The following MMP15 variants were observed in gnomAD, a reference collection of about 807,000 sequenced individuals.
The protein encoded by MMP15 is matrix metalloproteinase-15.
Under a neutral mutation model 65.0 loss-of-function variants are expected in MMP15, and 36 were observed. That is an observed-to-expected ratio of 0.55 (90% CI 0.42 to 0.73). MMP15 has a LOEUF of 0.73. Ranked by LOEUF, MMP15 falls within the 30% of genes least tolerant of loss-of-function variation. The pLI, the probability that MMP15 is intolerant of heterozygous loss-of-function variation, is 0.00. For missense variants in MMP15, 870 were observed against 987.8 expected, an observed-to-expected ratio of 0.88 and a Z score of 1.60; for synonymous variants, 428 against 410.2, an observed-to-expected ratio of 1.04 and a Z score of -0.52.
chr16:58,026,381 C>CCGGGCTGGA lies in MMP15; in HGVS notation c.37_45dup (p.Trp13_Gly15dup). The CCGGGCTGGA allele has an allele frequency of 7.2e-7, 1 of 1,382,246 alleles. No individual in the cohort carries two copies. Among genetic ancestry groups the CCGGGCTGGA allele is most frequent in the Non-Finnish European group, 9.3e-7 (1 of 1,076,798 alleles). The allele number at this position is 1,382,246 out of a possible 1,614,324, so 85.6% of individuals were successfully genotyped here. On this transcript the variant is annotated inframe_insertion, in exon 1 of 10. Coordinates refer to ENST00000219271, the MANE Select transcript of MMP15 (RefSeq NM_002428.4). ...CAGCGACCCGAGCGCGCCCGGACGG[C>CCGGGCTGGA]CGGGCTGGACGGGCAGCCTCCTCGG...
In MMP15 at chr16:58,045,396, G is replaced by A. The variant is rs947129874; in HGVS notation, c.1960G>A (p.Ala654Thr). Residue 654 changes from alanine (A) to threonine (T), a missense_variant, in exon 10 of 10, where the codon GCG (alanine) becomes ACG (threonine). Transcript: ENST00000219271. ...GCTGGTGCAGATGCAGCGCAAGGGT[G>A]CGCCACGTGTCCTGCTTTACTGCAA... ...YALVQMQRKG[A>T]PRVLLYCKRS... is the part of the protein sequence containing the mutation. 1 of 1,578,106 alleles carries A rather than the reference G, an allele frequency of 6.3e-7. No homozygotes were observed. Among genetic ancestry groups the A allele is most frequent in the South Asian group, 1.2e-5 (1 of 86,272 alleles).
chr16:58,040,475 G>T, intron 4 of MMP15, 62 bp from the exon 5 acceptor site: 1 of 1,577,504 alleles, frequency 6.3e-7, no homozygotes. Flanking sequence ...GGAGGGTCCA[G>T]GGTGATTGGG....
chr16:58,028,474 A>G (rs1019810228), intron 1 of MMP15, among the ~76,000 whole-genome samples: 1 of 152,172 alleles, frequency 6.6e-6, no homozygotes. Flanking sequence ...GGCTGCTTCT[A>G]GGGTCCCATC....
intron 5 of MMP15, among the ~76,000 whole-genome samples, chr16:58,041,262 C>T (rs1275842516): frequency 6.6e-6 from 1 of 152,216 alleles, no homozygotes; most frequent in African/African-American, 2.4e-5. Context: ...ACTTGACGGG[C>T]ACCCCTTGCT....
At chr16:58,033,711 T>C (rs1265267174) in intron 1 of MMP15, among the ~76,000 whole-genome samples, 1 of 152,228 alleles carries the variant, frequency 6.6e-6, no homozygotes, top group Non-Finnish European at 1.5e-5. Context: ...GAGACCAGCC[T>C]GGCCACCATA....
chr16:58,034,334 G>A (rs1312376102), intron 1 of MMP15, among the ~76,000 whole-genome samples: 1 of 152,202 alleles, frequency 6.6e-6, no homozygotes, highest in Non-Finnish European at 1.5e-5. Context: ...CCACCTGCAG[G>A]CAGCAGCACC....
chr16:58,028,317 A>C (rs41330245), intron 1 of MMP15, among the ~76,000 whole-genome samples: 2,741 of 152,114 alleles, frequency 0.018, 39 homozygotes, highest in South Asian at 0.032. Context: ...CTGGAGCCCT[A>C]CTCCTGGGGA....
Position 58,026,488 on chromosome 16 carries a change from C to G in MMP15, c.138C>G (p.Ala46=). Residue 46 remains alanine (A), a synonymous_variant, in exon 1 of 10, where the codon GCC becomes GCG. Transcript: ENST00000219271. The part of the protein sequence containing the change: ...LLGCLGLGVA[A]EDAEVHAENW... ...GCTGCCTGGGCCTTGGCGTAGCGGC[C>G]GAAGACGCGGAGGTCCATGCCGAGG... 7.2e-7 allele frequency: 1 copy of G among 1,385,002 alleles called. No individual in the cohort carries two copies. The highest frequency in any genetic ancestry group is 9.4e-7 in the Non-Finnish European group (1 of 1,067,542). 85.8% of individuals were successfully genotyped at this position (1,385,002 alleles called of 1,614,324 possible).
At chr16:58,042,169 T>C in intron 6 of MMP15, 62 bp from the exon 7 acceptor site, 4 of 1,562,944 alleles carry the variant, frequency 2.6e-6, no homozygotes, top group South Asian at 2.4e-5. Context: ...GGTTTGAGGA[T>C]GGCACCTCTC....
At position 58,042,087 on chromosome 16, in the gene MMP15, G is replaced by A. The variant is rs149321997; in HGVS notation, c.1165-144G>A. ...AGGGCTCTGTTTCTGTGCAGCCCTG[G>A]CTTTCCAAGCCACTGCCTGCCTCAG... On this transcript the variant is annotated intron_variant, in intron 6 of 9. Transcript: ENST00000219271. 11 of 1,183,466 alleles carry A rather than the reference G, an allele frequency of 9.3e-6. No homozygotes were observed. The East Asian group carries it at 2.8e-4, about 30-fold the overall frequency. 73.3% of individuals were successfully genotyped at this position (1,183,466 alleles called of 1,614,324 possible).
At chr16:58,026,727 C>T (rs1430448635) in intron 1 of MMP15, among the ~76,000 whole-genome samples, 1 of 152,334 alleles carries the variant, frequency 6.6e-6, no homozygotes, top group Middle Eastern at 3.4e-3. Flanking sequence ...GGGCCTCGCT[C>T]TCCTCCCCGC....
At chr16:58,040,405 G>T in intron 4 of MMP15, 132 bp from the exon 5 acceptor site, 1 of 1,227,486 alleles carries the variant, frequency 8.1e-7, no homozygotes, top group Non-Finnish European at 1.1e-6. Context: ...GTTGTAGGCC[G>T]AAAGAGCTCA....
At chr16:58,026,587 C>G in intron 1 of MMP15, 75 bp downstream of exon 1, 9 of 1,270,704 alleles carry the variant, frequency 7.1e-6, no homozygotes, top group Non-Finnish European at 8.0e-6. Context: ...CAGGCTGGGA[C>G]TTGGAGGTGG....
intron 1 of MMP15, among the ~76,000 whole-genome samples, chr16:58,035,709 C>A (rs1392791437): frequency 6.6e-6 from 1 of 152,218 alleles, no homozygotes; most frequent in Non-Finnish European, 1.5e-5. Context: ...GTCCCCAGAG[C>A]TGGTGGTGGT....
In MMP15 at chr16:58,039,984, T is replaced by C; in HGVS notation, c.550T>C (p.Tyr184His). Residue 184 changes from tyrosine to histidine, a missense_variant, in exon 4 of 10, where the codon TAT becomes CAT. By Grantham distance (83) the Tyr-to-His change is moderately conservative (BLOSUM62 2). Transcript: ENST00000219271. The stretch of plus-strand genomic sequence containing the variant: ...GCCCCTGGTCTTCCAGGAGGTGCCC[T>C]ATGAGGACATCCGGCTGCGGCGACA... Reference protein sequence around the residue: ...ATPLVFQEVPYEDIRLRRQKE... With the variant: ...ATPLVFQEVPHEDIRLRRQKE... The C allele has an allele frequency of 6.2e-7, 1 of 1,614,048 alleles. No homozygotes were observed. Among genetic ancestry groups the C allele is most frequent in the Non-Finnish European group, 8.5e-7 (1 of 1,180,052 alleles).
At position 58,026,217 on chromosome 16, in the gene MMP15, G is replaced by C; in HGVS notation, c.-134G>C. On this transcript the variant is annotated 5_prime_UTR_variant, in exon 1 of 10. Coordinates refer to ENST00000219271, the MANE Select transcript of MMP15 (RefSeq NM_002428.4). Reference sequence around the variant, plus strand: ...GGGAATTTGCCGAGGCGACCTAGGCGGCTCCGGCGGGGACCGGGAGCCCGA... The same window carrying C: ...GGGAATTTGCCGAGGCGACCTAGGCCGCTCCGGCGGGGACCGGGAGCCCGA... 2.0e-6 allele frequency: 2 copies of C among 1,011,658 alleles called. No homozygotes were observed. The highest frequency in any genetic ancestry group is 2.5e-6 in the Non-Finnish European group (2 of 787,272). 62.7% of individuals were successfully genotyped at this position (1,011,658 alleles called of 1,614,324 possible). A position where few individuals can be genotyped will look rare whatever the true frequency, so the allele number is the denominator to read the frequency against.
intron 1 of MMP15, among the ~76,000 whole-genome samples, chr16:58,034,733 C>T (rs111361894): frequency 0.014 from 2,075 of 152,248 alleles, 23 homozygotes; most frequent in Non-Finnish European, 0.021. Flanking sequence ...TGGCTGATAG[C>T]GAGATGGAAG....
intron 1 of MMP15, among the ~76,000 whole-genome samples, chr16:58,030,825 G>A (rs1963882158): frequency 6.6e-6 from 1 of 152,096 alleles, no homozygotes; most frequent in Non-Finnish European, 1.5e-5. Flanking sequence ...ATTTACTGTT[G>A]GGCAAGTCAC....
chr16:58,041,725 C>G lies in MMP15; in HGVS notation c.1019C>G (p.Pro340Arg), dbSNP rs754543993. ...RPPRPPQPPP[P>R]GGKPERPPKP... ...CCCCGGCCTCCCCAGCCACCACCCC[C>G]AGGTGGGAAGCCAGAGCGGCCCCCA... The change falls in exon 6 of 10, where the codon CCA becomes CGA. Residue 340 changes from proline (P) to arginine (R), a missense_variant. Pro to Arg is a moderately radical substitution (Grantham distance 103). Coordinates refer to ENST00000219271, the MANE Select transcript of MMP15 (RefSeq NM_002428.4). 36 of 1,591,086 alleles carry G rather than the reference C, an allele frequency of 2.3e-5. 1 individual carries two copies. The East Asian group carries it at 7.6e-4, about 33-fold the overall frequency.
Sources: gnomAD v4.1 joint callset for allele counts (sites outside exome capture counted in the v4.1 genomes callset) on GRCh38, gnomAD v4.1.1 for gene constraint, MANE v1.5 for transcripts, NCBI Gene and HGNC (gene_info 2026-07-23, HGNC 2026-07-21) for gene names.